Variants in PXDC1 observed in about 807,000 individuals in gnomAD.
PXDC1 encodes PX domain-containing protein 1.
PXDC1 carries 13 observed loss-of-function variants against 24.4 expected under a neutral mutation model. That is an observed-to-expected ratio of 0.53 (90% CI 0.35 to 0.85). PXDC1 has a LOEUF of 0.85. Ranked by LOEUF, PXDC1 falls within the 40% of genes least tolerant of loss-of-function variation. PXDC1 has a pLI of 0.01. For missense variants in PXDC1, 344 were observed against 309.3 expected (o/e 1.11, Z -0.84); for synonymous variants, 162 against 124.9 (o/e 1.30, Z -1.98).
At chr6:3,729,635 G>A (rs1760151644) in intron 3 of PXDC1, among the ~76,000 whole-genome samples, 1 of 152,232 alleles carries the variant, frequency 6.6e-6, no homozygotes, top group African/African-American at 2.4e-5. Context: ...TGTGAAAACT[G>A]CCATATCCTA....
intron 1 of PXDC1, among the ~76,000 whole-genome samples, chr6:3,742,615 C>T (rs988620187): frequency 6.6e-6 from 1 of 152,202 alleles, no homozygotes; most frequent in African/African-American, 2.4e-5. Context: ...CACTGCAACG[C>T]ACGCTTAAGG....
chr6:3,737,566 G>A lies in PXDC1; in HGVS notation c.349-370C>T, dbSNP rs534491161. ...CAGGAGCTAAGGAGGTCTGCCTGGC[G>A]CTCAAGTCCAGGTTCTTAACCACCA... is the stretch of plus-strand genomic sequence containing the variant. On this transcript the variant is annotated intron_variant, in intron 2 of 4. Coordinates refer to ENST00000380283, the MANE Select transcript of PXDC1 (RefSeq NM_183373.4). The surrounding 1 kb of genome is among the most constrained non-coding windows in gnomAD (Gnocchi z 5.5). The A allele has an allele frequency of 7.2e-6, 5 of 692,694 alleles. No individual in the cohort carries two copies. Among genetic ancestry groups the A allele is most frequent in the African/African-American group, 5.8e-5 (3 of 51,566 alleles). 42.9% of individuals were successfully genotyped at this position (692,694 alleles called of 1,614,324 possible).
rs1760126859 is a variant in PXDC1 at position 3,728,717 on chromosome 6, G to A, written c.467-1055C>T. On this transcript the variant is annotated intron_variant, in intron 3 of 4. Transcript: ENST00000380283. The surrounding 1 kb of genome is among the most constrained non-coding windows in gnomAD (Gnocchi z 4.0). Reference sequence around the variant, plus strand: ...GATCCTTCTCACTCTGAAATCCCATGAACTCCTGGATCGCATCATGCCATC... The same window carrying A: ...GATCCTTCTCACTCTGAAATCCCATAAACTCCTGGATCGCATCATGCCATC... 1.3e-5 allele frequency among the ~76,000 whole-genome samples: 2 copies of A among 152,134 alleles called. No individual in the cohort carries two copies. The highest frequency in any genetic ancestry group is 1.3e-4 in the Admixed American group (2 of 15,272).
Position 3,737,082 on chromosome 6 carries a change from A to T in PXDC1, c.463T>A (p.Ser155Thr). 1 of 1,592,258 alleles carries T rather than the reference A, an allele frequency of 6.3e-7. No individual in the cohort carries two copies. Among genetic ancestry groups the T allele is most frequent in the Non-Finnish European group, 8.6e-7 (1 of 1,160,074 alleles). The part of the protein sequence containing the change: ...QPSFQSPVKI[S>T]EIMRSNGFCL... ...ACGCCTCCTTTGTGGCTCTTACCTG[A>T]TATTTTGACTGGACTTTGAAAGCTG... Residue 155 changes from serine to threonine, a missense_variant, in exon 3 of 5, where the codon TCA becomes ACA. Coordinates refer to ENST00000380283, the MANE Select transcript of PXDC1 (RefSeq NM_183373.4). The surrounding 1 kb of genome is among the most constrained non-coding windows in gnomAD (Gnocchi z 5.5).
intron 1 of PXDC1, among the ~76,000 whole-genome samples, chr6:3,744,888 C>T (rs1308631654): frequency 6.6e-6 from 1 of 152,152 alleles, no homozygotes; most frequent in African/African-American, 2.4e-5. Context: ...TTAGTAGAGA[C>T]GGGGTTTCAC....
At chr6:3,736,081 T>C (rs1424720425) in intron 3 of PXDC1, among the ~76,000 whole-genome samples, 2 of 152,158 alleles carry the variant, frequency 1.3e-5, no homozygotes, top group Admixed American at 6.5e-5. Flanking sequence ...ACTTGTGCTG[T>C]GGCCCATAAT....
At chr6:3,734,860 G>A (rs1226454829) in intron 3 of PXDC1, among the ~76,000 whole-genome samples, 2 of 152,152 alleles carry the variant, frequency 1.3e-5, no homozygotes, top group East Asian at 3.8e-4. Flanking sequence ...TAAGGCAGAT[G>A]GATTGCTTGA....
chr6:3,727,409 TA>T (rs1760092270), intron 4 of PXDC1, 141 bp downstream of exon 4: 1 of 597,832 alleles, frequency 1.7e-6, no homozygotes, highest in Non-Finnish European at 3.0e-6. Flanking sequence ...GGCAAACTTC[TA>T]AAATCAGTGT....
At chr6:3,734,434 C>A (rs1328119532) in intron 3 of PXDC1, among the ~76,000 whole-genome samples, 3 of 152,176 alleles carry the variant, frequency 2.0e-5, no homozygotes, top group Non-Finnish European at 4.4e-5. Flanking sequence ...GACACTGGTG[C>A]TAGGACTCTC....
chr6:3,735,649 G>A (rs745767369), intron 3 of PXDC1, among the ~76,000 whole-genome samples: 2 of 152,176 alleles, frequency 1.3e-5, no homozygotes, highest in Non-Finnish European at 2.9e-5. Flanking sequence ...CAGTGAGCAC[G>A]AAGTGACAGT....
intron 1 of PXDC1, among the ~76,000 whole-genome samples, chr6:3,738,455 G>A (rs1225674768): frequency 6.6e-6 from 1 of 152,148 alleles, no homozygotes; most frequent in Non-Finnish European, 1.5e-5. Flanking sequence ...TAATCACCCT[G>A]GTCACAGCCA....
intron 1 of PXDC1, among the ~76,000 whole-genome samples, chr6:3,744,529 T>G (rs1760522531): frequency 3.4e-5 from 5 of 147,740 alleles, no homozygotes; most frequent in African/African-American, 7.5e-5. Context: ...AAAGAGGGAG[T>G]GAGATGGGGA....
At chr6:3,742,392 C>T (rs569696971) in intron 1 of PXDC1, among the ~76,000 whole-genome samples, 2 of 152,280 alleles carry the variant, frequency 1.3e-5, no homozygotes, top group Non-Finnish European at 1.5e-5. Flanking sequence ...TTTTTATATT[C>T]CAAATATTGT....
At chr6:3,744,431 G>A (rs1302303208) in intron 1 of PXDC1, among the ~76,000 whole-genome samples, 1 of 151,666 alleles carries the variant, frequency 6.6e-6, no homozygotes, top group African/African-American at 2.4e-5. Context: ...CAGGTGCCAG[G>A]AGGATGCACA....
At position 3,751,524 on chromosome 6, in the gene PXDC1, G is replaced by A. The variant is rs559165274; in HGVS notation, c.8C>T (p.Ser3Leu). 10 of 1,585,734 alleles carry A rather than the reference G, an allele frequency of 6.3e-6. No individual in the cohort carries two copies. The highest frequency in any genetic ancestry group is 4.1e-5 in the African/African-American group (3 of 72,832). The change falls in exon 1 of 5, where the codon TCG (serine) becomes TTG (leucine). Residue 3 changes from serine to leucine, a missense_variant. By Grantham distance (145) the Ser-to-Leu change is moderately radical (BLOSUM62 -2). Coordinates refer to ENST00000380283, the MANE Select transcript of PXDC1 (RefSeq NM_183373.4). ...GAGCGACGTGCCCTCAAACACCGCCGAGGCCATGTCGCACGCATGCCCCCG... is the reference window on the plus strand; with the variant it reads ...GAGCGACGTGCCCTCAAACACCGCCAAGGCCATGTCGCACGCATGCCCCCG... MA[S>L]AVFEGTSLVN... is the part of the protein sequence containing the mutation.
At chr6:3,729,695 C>T (rs1046809264) in intron 3 of PXDC1, among the ~76,000 whole-genome samples, 1 of 152,206 alleles carries the variant, frequency 6.6e-6, no homozygotes, top group Non-Finnish European at 1.5e-5. Context: ...TGGGTGGCAG[C>T]ACAGAACCAC....
Position 3,751,424 on chromosome 6 carries a change from C to A in PXDC1, c.108G>T (p.Glu36Asp), listed in dbSNP as rs1581256010. The A allele has an allele frequency of 6.3e-7, 1 of 1,585,752 alleles. No individual in the cohort carries two copies. The highest frequency in any genetic ancestry group is 8.6e-7 in the Non-Finnish European group (1 of 1,167,032). ...RLIVSRRGDEEEFFEIRTEWS... is the reference protein window; with the variant it reads ...RLIVSRRGDEDEFFEIRTEWS... Reference sequence around the variant, plus strand: ...ACTCCGTGCGGATCTCGAAGAACTCCTCTTCGTCGCCGCGCCGGCTGACGA... The same window carrying A: ...ACTCCGTGCGGATCTCGAAGAACTCATCTTCGTCGCCGCGCCGGCTGACGA... The change falls in exon 1 of 5, where the codon GAG becomes GAT. Residue 36 changes from glutamate to aspartate, a missense_variant. Glu to Asp is a conservative substitution (Grantham distance 45). Transcript: ENST00000380283.
Position 3,725,384 on chromosome 6 carries a change from G to A in PXDC1, c.579-1648C>T, listed in dbSNP as rs1249831416. 6.6e-6 allele frequency among the ~76,000 whole-genome samples: 1 copy of A among 152,210 alleles called. No individual in the cohort carries two copies. The highest frequency in any genetic ancestry group is 1.5e-5 in the Non-Finnish European group (1 of 68,026). Reference sequence around the variant, plus strand: ...GCCCTGGATGACCTCCCAGAAGCCAGGCAATCCCTTCGCCAGCTGAGACTG... The same window carrying A: ...GCCCTGGATGACCTCCCAGAAGCCAAGCAATCCCTTCGCCAGCTGAGACTG... On this transcript the variant is annotated intron_variant, in intron 4 of 4. Transcript: ENST00000380283. This position sits in a 1 kb window ranked among gnomAD's most constrained non-coding sequence, Gnocchi z 4.8.
chr6:3,724,835 C>T lies in PXDC1; in HGVS notation c.579-1099G>A, dbSNP rs1760022597. 1.3e-5 allele frequency among the ~76,000 whole-genome samples: 2 copies of T among 152,226 alleles called. No individual in the cohort carries two copies. The highest frequency in any genetic ancestry group is 4.8e-5 in the African/African-American group (2 of 41,452). On this transcript the variant is annotated intron_variant, in intron 4 of 4. Coordinates refer to ENST00000380283, the MANE Select transcript of PXDC1 (RefSeq NM_183373.4). This position sits in a 1 kb window ranked among gnomAD's most constrained non-coding sequence, Gnocchi z 4.5. ...TCCCCCACAAACCTAGTACATCGTG[C>T]GAATCCCGCTGACCTCAAGGGACAG... is the stretch of plus-strand genomic sequence containing the variant.
Sources: allele counts gnomAD v4.1 joint callset (sites outside exome capture counted in the v4.1 genomes callset), GRCh38; gene constraint gnomAD v4.1.1; non-coding constraint Gnocchi (gnomAD v3.1); transcripts MANE v1.5; gene names NCBI Gene and HGNC (gene_info 2026-07-23, HGNC 2026-07-21).